The following PPFIA2 variants were observed in gnomAD, a reference collection of about 807,000 sequenced individuals.
PPFIA2 encodes the protein PPFI scaffold protein A2.
In PPFIA2, 46 loss-of-function variants were observed where a neutral mutation model predicts 175.5. That is an observed-to-expected ratio of 0.26 (90% CI 0.21 to 0.34). The LOEUF is 0.34. Ranked by LOEUF, PPFIA2 falls within the 10% of genes least tolerant of loss-of-function variation. The pLI, the probability that PPFIA2 is intolerant of heterozygous loss-of-function variation, is 1.00. For missense variants in PPFIA2, 1,179 were observed against 1,506.1 expected (o/e 0.78, Z 3.60); for synonymous variants, 568 against 511.4 (o/e 1.11, Z -1.49).
chr12:81,412,165 C>G (rs1413772826), intron 7 of PPFIA2, among the ~76,000 whole-genome samples: 1 of 151,490 alleles, frequency 6.6e-6, no homozygotes, highest in Non-Finnish European at 1.5e-5. Context: ...TAACAAAGAC[C>G]ATTAAATATC....
chr12:81,611,797 A>C (rs1312361575), intron 4 of PPFIA2, among the ~76,000 whole-genome samples: 6 of 152,128 alleles, frequency 3.9e-5, no homozygotes, highest in Non-Finnish European at 7.4e-5. Context: ...CCTGGGCTCC[A>C]TGCCGTCTCA....
At chr12:81,294,588 A>G (rs558936358) in intron 24 of PPFIA2, 43 of 494,684 alleles carry the variant, frequency 8.7e-5, no homozygotes, top group Middle Eastern at 1.1e-3. Flanking sequence ...CGCTTGGGAG[A>G]AAAATCTAAA....
At chr12:81,368,078 T>C in intron 13 of PPFIA2, 1 of 1,275,818 alleles carries the variant, frequency 7.8e-7, no homozygotes, top group Non-Finnish European at 1.0e-6. Flanking sequence ...TAAAATGATG[T>C]GATCATCCGG....
intron 4 of PPFIA2, among the ~76,000 whole-genome samples, chr12:81,618,767 C>A (rs546130687): frequency 1.3e-5 from 2 of 151,736 alleles, no homozygotes; most frequent in African/African-American, 4.8e-5. Flanking sequence ...CTCCTGACCT[C>A]GTGATCCACC....
intron 4 of PPFIA2, among the ~76,000 whole-genome samples, chr12:81,658,811 A>C (rs752138468): frequency 3.7e-4 from 56 of 152,160 alleles, no homozygotes; most frequent in Admixed American, 1.2e-3. Context: ...AAAGGAAGGG[A>C]GAAAAAAAGA....
intron 4 of PPFIA2, among the ~76,000 whole-genome samples, chr12:81,463,378 A>G (rs1431238557): frequency 6.6e-6 from 1 of 152,142 alleles, no homozygotes; most frequent in East Asian, 1.9e-4. Context: ...CAGTGAGATA[A>G]GAGAATTAGG....
chr12:81,576,253 C>G (rs1595152995), intron 4 of PPFIA2, among the ~76,000 whole-genome samples: 1 of 151,668 alleles, frequency 6.6e-6, no homozygotes, highest in East Asian at 2.0e-4. Context: ...GAGAAAATGA[C>G]TTTGGATCTG....
intron 5 of PPFIA2, among the ~76,000 whole-genome samples, chr12:81,449,268 CCTGTCATGATAAAGTACAG>C (rs1555391590): frequency 3.3e-5 from 5 of 152,096 alleles, no homozygotes; most frequent in Non-Finnish European, 7.4e-5. Flanking sequence ...TAACTTGAGC[CCTGTCATGATAAAGTACAG>C]CTGGAGACCA....
intron 29 of PPFIA2, among the ~76,000 whole-genome samples, chr12:81,267,548 A>G (rs2037640945): frequency 6.6e-6 from 1 of 152,122 alleles, no homozygotes; most frequent in African/African-American, 2.4e-5. Flanking sequence ...AGTTTTGGGA[A>G]TCACTGACAT....
At chr12:81,496,893 C>T (rs1282523813) in intron 4 of PPFIA2, among the ~76,000 whole-genome samples, 1 of 152,172 alleles carries the variant, frequency 6.6e-6, no homozygotes, top group African/African-American at 2.4e-5. Context: ...TCCTATGCCA[C>T]AGACCACAGT....
At chr12:81,297,085 G>T (rs1472246664) in intron 23 of PPFIA2, among the ~76,000 whole-genome samples, 1 of 152,150 alleles carries the variant, frequency 6.6e-6, no homozygotes, top group Non-Finnish European at 1.5e-5. Flanking sequence ...AGTCCCATAT[G>T]ACAAGGAACT....
intron 17 of PPFIA2, 80 bp from the exon 18 acceptor site, chr12:81,347,850 T>C: frequency 6.5e-7 from 1 of 1,528,134 alleles, no homozygotes; most frequent in Non-Finnish European, 8.7e-7. Flanking sequence ...TCATTGGAAT[T>C]CACATAATAA....
intron 4 of PPFIA2, among the ~76,000 whole-genome samples, chr12:81,620,376 G>A (rs956704185): frequency 6.6e-6 from 1 of 151,860 alleles, no homozygotes; most frequent in Non-Finnish European, 1.5e-5. Context: ...GATTCACATC[G>A]TTCAAAATTT....
At chr12:81,517,280 T>A (rs1227646461) in intron 4 of PPFIA2, among the ~76,000 whole-genome samples, 1 of 152,096 alleles carries the variant, frequency 6.6e-6, no homozygotes, top group African/African-American at 2.4e-5. Context: ...ATCCTAAAGC[T>A]ACCCGGCAGA....
rs998954889 is a variant in PPFIA2, at chr12:81,611,235, T to C, written c.303+65556A>G. 3.7e-4 allele frequency among the ~76,000 whole-genome samples: 57 copies of C among 152,236 alleles called. 1 individual carries two copies. Among genetic ancestry groups the C allele is most frequent in the South Asian group, 4.1e-4 (2 of 4,820 alleles). ...CCACGAGCCTCTCTTGGGCAAAGGT[T>C]GTGACAGGGAGATATGCCGCACCGT... On this transcript the variant is annotated intron_variant, in intron 4 of 32. Transcript: ENST00000549396.
chr12:81,367,345 C>G (rs1004118451), intron 13 of PPFIA2, among the ~76,000 whole-genome samples, 175 bp from the exon 14 acceptor site: 3 of 151,518 alleles, frequency 2.0e-5, no homozygotes, highest in Non-Finnish European at 4.4e-5. Context: ...GAGACCTTCA[C>G]ATTTAAAAAA....
At chr12:81,749,070 C>G (rs1447650503) in intron 3 of PPFIA2, among the ~76,000 whole-genome samples, 2 of 144,452 alleles carry the variant, frequency 1.4e-5, no homozygotes, top group Non-Finnish European at 3.1e-5. Context: ...TAAGCCTAGC[C>G]TGGGAAGCAC....
intron 21 of PPFIA2, among the ~76,000 whole-genome samples, chr12:81,334,983 C>T (rs1355111013): frequency 6.6e-6 from 1 of 152,144 alleles, no homozygotes; most frequent in Non-Finnish European, 1.5e-5. Context: ...CAGTACACAG[C>T]CTTTGGTGTC....
chr12:81,425,162 T>A (rs2046924195), intron 7 of PPFIA2, among the ~76,000 whole-genome samples: 1 of 152,176 alleles, frequency 6.6e-6, no homozygotes, highest in African/African-American at 2.4e-5. Flanking sequence ...ATTTTCACTG[T>A]TAATAACAGC....
Sources: allele counts gnomAD v4.1 joint callset (sites outside exome capture counted in the v4.1 genomes callset), GRCh38; gene constraint gnomAD v4.1.1; transcripts MANE v1.5; gene names NCBI Gene and HGNC (gene_info 2026-07-23, HGNC 2026-07-21).